Variants in FBXW11 observed in about 807,000 individuals in gnomAD.
FBXW11 encodes the protein F-box/WD repeat-containing protein 11.
Under a neutral mutation model 77.6 loss-of-function variants are expected in FBXW11, and 19 were observed. The observed-to-expected ratio is 0.24, with a 90% confidence interval of 0.17 to 0.36. The LOEUF (loss-of-function observed/expected upper bound fraction) is 0.36, where lower values mean the gene tolerates loss of function less well. Ranked by LOEUF, FBXW11 falls within the 10% of genes least tolerant of loss-of-function variation. FBXW11 has a pLI of 1.00. For missense variants in FBXW11, 334 were observed against 704.2 expected, an observed-to-expected ratio of 0.47 and a Z score of 5.95; for synonymous variants, 235 against 249.4, an observed-to-expected ratio of 0.94 and a Z score of 0.54.
intron 6 of FBXW11, among the ~76,000 whole-genome samples, chr5:171,894,435 T>C (rs1333200759): frequency 6.6e-6 from 1 of 152,242 alleles, no homozygotes; most frequent in Non-Finnish European, 1.5e-5. Context: ...AGTCCTCGCC[T>C]AGGCCTGTTT....
chr5:171,936,498 C>CA (rs551599131), intron 2 of FBXW11, among the ~76,000 whole-genome samples: 8,522 of 63,588 alleles, frequency 0.13, 719 homozygotes, highest in African/African-American at 0.29. Flanking sequence ...CCTGTCTCAC[C>CA]AAAAAAAAAA....
At chr5:171,908,584 G>A (rs1201774199) in intron 4 of FBXW11, 1 of 152,164 alleles carries the variant, frequency 6.6e-6, no homozygotes, top group Non-Finnish European at 1.5e-5. Context: ...TGCTTTCCTA[G>A]AGATTCTAAT....
Position 171,982,834 on chromosome 5 carries a change from A to C in FBXW11, c.45+23624T>G, listed in dbSNP as rs904577636. Among the ~76,000 whole-genome samples the C allele has an allele frequency of 6.6e-5, 10 of 152,242 alleles. 1 individual carries two copies. The East Asian group carries it at 1.5e-3, about 23-fold the overall frequency. ...TTGACCTGACCCGAGGCACGACTCTAATCTTTAAGATCCTCTGCAGAGAGG... is the reference window on the plus strand; with the variant it reads ...TTGACCTGACCCGAGGCACGACTCTCATCTTTAAGATCCTCTGCAGAGAGG... On this transcript the variant is annotated intron_variant, in intron 1 of 13. Coordinates refer to ENST00000517395, the MANE Select transcript of FBXW11 (RefSeq NM_001378974.1).
rs946659573 is a variant in FBXW11, at chr5:171,899,964, T to C, written c.573A>G (p.Arg191=). The C allele has an allele frequency of 1.9e-6, 3 of 1,613,846 alleles. No individual in the cohort carries two copies. The East Asian group carries it at 6.7e-5, about 36-fold the overall frequency. ...EGMLWKKLIE[R]MVRTDPLWKG... ...TCCATAGGGGATCAGTGCGTACCAT[T>C]CGTTCAATCAGCTTCTTCCAAAGCA... Residue 191 remains arginine, a synonymous_variant, in exon 5 of 14, where the codon CGA becomes CGG. Coordinates refer to ENST00000517395, the MANE Select transcript of FBXW11 (RefSeq NM_001378974.1).
intron 1 of FBXW11, among the ~76,000 whole-genome samples, chr5:171,958,056 G>A (rs536947856): frequency 4.6e-5 from 7 of 152,262 alleles, no homozygotes; most frequent in Middle Eastern, 3.4e-3. Context: ...ACAGTTTCTC[G>A]TCTATGTCAC....
At chr5:171,883,890 TTTG>T (rs1758700262) in intron 7 of FBXW11, among the ~76,000 whole-genome samples, 1 of 152,112 alleles carries the variant, frequency 6.6e-6, no homozygotes, top group African/African-American at 2.4e-5. Context: ...GTTCATTGTG[TTTG>T]TTTTTTTCTT....
At chr5:171,878,592 A>AAG (rs796288258) in intron 7 of FBXW11, among the ~76,000 whole-genome samples, 5,500 of 132,826 alleles carry the variant, frequency 0.041, 398 homozygotes, top group African/African-American at 0.17. Context: ...GTGTGTGTGT[A>AAG]AGAGAGAGAG....
chr5:171,875,249 T>TAAA (rs1561636108), intron 9 of FBXW11, among the ~76,000 whole-genome samples: 1 of 38,788 alleles, frequency 2.6e-5, no homozygotes, highest in African/African-American at 6.1e-5. Flanking sequence ...ATCTGTACTT[T>TAAA]TAAAAAAAAA....
chr5:171,927,120 A>G (rs1187426088), intron 2 of FBXW11, among the ~76,000 whole-genome samples: 1 of 152,244 alleles, frequency 6.6e-6, no homozygotes, highest in Non-Finnish European at 1.5e-5. Context: ...ACCTGGGAAT[A>G]GGCAAAACTT....
intron 2 of FBXW11, among the ~76,000 whole-genome samples, chr5:171,920,023 G>A (rs1255853044): frequency 6.6e-6 from 1 of 152,136 alleles, no homozygotes; most frequent in African/African-American, 2.4e-5. Flanking sequence ...AGGCATGGTG[G>A]CACATGCCTG....
intron 10 of FBXW11, among the ~76,000 whole-genome samples, chr5:171,872,285 A>G (rs902604664): frequency 6.6e-6 from 1 of 152,240 alleles, no homozygotes; most frequent in Admixed American, 6.5e-5. Flanking sequence ...ATTTGATTAT[A>G]AACCAAAGTT....
At chr5:171,935,254 G>C (rs1026961696) in intron 2 of FBXW11, among the ~76,000 whole-genome samples, 1 of 152,206 alleles carries the variant, frequency 6.6e-6, no homozygotes, top group South Asian at 2.1e-4. Flanking sequence ...ACCGCGCCCA[G>C]CCGGTAGCGT....
At chr5:171,929,644 G>A (rs1366433924) in intron 2 of FBXW11, among the ~76,000 whole-genome samples, 1 of 152,048 alleles carries the variant, frequency 6.6e-6, no homozygotes. Flanking sequence ...GAGGTCAGGA[G>A]ATCGAGACCA....
intron 7 of FBXW11, among the ~76,000 whole-genome samples, chr5:171,889,527 C>CAAA (rs34406226): frequency 1.1e-4 from 12 of 109,226 alleles, no homozygotes; most frequent in African/African-American, 4.2e-4. Context: ...GACTCCATCT[C>CAAA]AAAAAAAAAA....
In FBXW11 at chr5:171,891,326, C is replaced by T. The variant is rs940215985; in HGVS notation, c.852+141G>A. 7.3e-6 allele frequency: 5 copies of T among 684,472 alleles called. No homozygotes were observed. In the African/African-American group the frequency reaches 7.5e-5, roughly 10 times the overall value. The allele number at this position is 684,472 out of a possible 1,614,324, so 42.4% of individuals were successfully genotyped here. A position where few individuals can be genotyped will look rare whatever the true frequency, so the allele number is the denominator to read the frequency against. ...TCGGGGAAATGCTCTGGCTCTAGTT[C>T]TTTAGAACTACACTGAGAGCTGCCA... On this transcript the variant is annotated intron_variant, in intron 7 of 13. Coordinates refer to ENST00000517395, the MANE Select transcript of FBXW11 (RefSeq NM_001378974.1).
At chr5:171,915,954 C>G (rs1761205412) in intron 2 of FBXW11, among the ~76,000 whole-genome samples, 1 of 151,914 alleles carries the variant, frequency 6.6e-6, no homozygotes. Context: ...ATGGATGAAG[C>G]TGGAAACCAT....
intron 1 of FBXW11, among the ~76,000 whole-genome samples, chr5:171,973,123 T>A (rs1764625748): frequency 6.6e-6 from 1 of 152,236 alleles, no homozygotes; most frequent in Non-Finnish European, 1.5e-5. Flanking sequence ...TATTTCATTC[T>A]GTTTTTTAAT....
At chr5:171,934,766 T>A (rs1762386010) in intron 2 of FBXW11, among the ~76,000 whole-genome samples, 1 of 146,406 alleles carries the variant, frequency 6.8e-6, no homozygotes, top group African/African-American at 2.5e-5. Context: ...GATGAAGAAA[T>A]AAGCAATATG....
intron 2 of FBXW11, among the ~76,000 whole-genome samples, chr5:171,938,916 C>T (rs751472741): frequency 2.0e-5 from 3 of 152,124 alleles, no homozygotes; most frequent in African/African-American, 2.4e-5. Flanking sequence ...AGAATATATA[C>T]TGTATACTAC....
Sources: gnomAD v4.1 joint callset for allele counts (sites outside exome capture counted in the v4.1 genomes callset) on GRCh38, gnomAD v4.1.1 for gene constraint, MANE v1.5 for transcripts, NCBI Gene and HGNC (gene_info 2026-07-23, HGNC 2026-07-21) for gene names.